The following WDR41 variants were observed in gnomAD, a reference collection of about 807,000 sequenced individuals.
WDR41 encodes WD repeat-containing protein 41.
WDR41 carries 63 observed loss-of-function variants against 69.3 expected under a neutral mutation model. The ratio of observed to expected loss-of-function variants is 0.91; its 90% confidence interval spans 0.74 to 1.12. The LOEUF (loss-of-function observed/expected upper bound fraction) is 1.12, where lower values mean the gene tolerates loss of function less well. Ranked by LOEUF, WDR41 falls within the 50% of genes most tolerant of loss-of-function variation. The pLI is 0.00. For missense variants in WDR41, 543 were observed against 534.5 expected (o/e 1.02, Z -0.16); for synonymous variants, 185 against 192.1 (o/e 0.96, Z 0.31).
chr5:77,582,238 T>A, intron 1 of WDR41: 1 of 755,116 alleles, frequency 1.3e-6, no homozygotes, highest in East Asian at 2.7e-5. Context: ...ATAACTTAGA[T>A]GAAATGGACA....
chr5:77,610,553 C>G (rs368473537), intron 1 of WDR41, among the ~76,000 whole-genome samples: 1 of 151,590 alleles, frequency 6.6e-6, no homozygotes, highest in Non-Finnish European at 1.5e-5. Context: ...TCCAGCCAAA[C>G]TAAGCTTCAT....
chr5:77,443,580 G>A (rs962819178), intron 8 of WDR41, among the ~76,000 whole-genome samples: 1 of 152,052 alleles, frequency 6.6e-6, no homozygotes, highest in Non-Finnish European at 1.5e-5. Context: ...TTTAGTAGTG[G>A]GAAAGTTAAG....
intron 9 of WDR41, 36 bp from the exon 10 acceptor site, chr5:77,438,397 G>A (rs7720548): frequency 0.039 from 63,050 of 1,610,770 alleles, 3,509 homozygotes; most frequent in African/African-American, 0.21. Context: ...CATAAAACTA[G>A]CACTCACCCT....
In WDR41 at chr5:77,435,808, T is replaced by A. The variant is rs117260392; in HGVS notation, c.1227+453A>T. ...TATTTGCACAATGAAAATCAAGGCA[T>A]AGGTTTCATTAAAGCTAACAAACTA... On this transcript the variant is annotated intron_variant, in intron 12 of 12. Transcript: ENST00000296679. 1.5e-4 allele frequency among the ~76,000 whole-genome samples: 23 copies of A among 152,328 alleles called. No individual in the cohort carries two copies. In the East Asian group the frequency reaches 4.4e-3, roughly 29 times the overall value.
intron 1 of WDR41, among the ~76,000 whole-genome samples, chr5:77,509,192 G>A (rs1443525599): frequency 6.6e-6 from 1 of 152,038 alleles, no homozygotes; most frequent in Non-Finnish European, 1.5e-5. Flanking sequence ...TAATTTTATT[G>A]CTGGAGACCT....
At chr5:77,453,414 C>T (rs1463846714) in intron 6 of WDR41, among the ~76,000 whole-genome samples, 2 of 152,074 alleles carry the variant, frequency 1.3e-5, no homozygotes, top group African/African-American at 2.4e-5. Context: ...GAAAATGAAA[C>T]TTTATCAGTA....
chr5:77,497,647 T>C (rs1801953525), intron 1 of WDR41, among the ~76,000 whole-genome samples: 1 of 150,838 alleles, frequency 6.6e-6, no homozygotes, highest in African/African-American at 2.4e-5. Context: ...GCATCGTTAA[T>C]AGAAATGTAA....
At chr5:77,460,158 G>A (rs1231602847) in intron 4 of WDR41, among the ~76,000 whole-genome samples, 1 of 152,180 alleles carries the variant, frequency 6.6e-6, no homozygotes, top group East Asian at 1.9e-4. Flanking sequence ...TCACTAGTGT[G>A]AGAAAATATC....
chr5:77,456,612 T>C (rs891684941), intron 5 of WDR41, among the ~76,000 whole-genome samples: 2 of 152,224 alleles, frequency 1.3e-5, no homozygotes, highest in African/African-American at 2.4e-5. Context: ...TCCAGTACAA[T>C]GTTAAACAGA....
chr5:77,511,649 C>G (rs1302638266), intron 1 of WDR41, among the ~76,000 whole-genome samples: 2 of 152,118 alleles, frequency 1.3e-5, no homozygotes, highest in African/African-American at 4.8e-5. Context: ...GTTCAAACAT[C>G]CATCCACAGT....
chr5:77,489,299 C>T (rs1452883029), intron 2 of WDR41, among the ~76,000 whole-genome samples, 158 bp downstream of exon 2: 6 of 152,088 alleles, frequency 3.9e-5, no homozygotes, highest in African/African-American at 1.4e-4. Flanking sequence ...CATATTTCAT[C>T]GAGATGCAGA....
At chr5:77,462,339 G>A (rs1800105791) in intron 4 of WDR41, among the ~76,000 whole-genome samples, 1 of 145,610 alleles carries the variant, frequency 6.9e-6, no homozygotes. Flanking sequence ...AACCCAGGAG[G>A]CAGAGGTTGC....
At chr5:77,517,657 T>TATATATATACAC (rs1491454629) in intron 1 of WDR41, among the ~76,000 whole-genome samples, 2 of 136,656 alleles carry the variant, frequency 1.5e-5, no homozygotes, top group African/African-American at 5.5e-5. Context: ...TATATATATA[T>TATATATATACAC]ACCAGGCTAA....
At position 77,453,947 on chromosome 5, in the gene WDR41, AT is replaced by A; in HGVS notation, c.412-20del. 6.3e-7 allele frequency: 1 copy of A among 1,579,172 alleles called. No homozygotes were observed. Among genetic ancestry groups the A allele is most frequent in the Non-Finnish European group, 8.7e-7 (1 of 1,148,388 alleles). The stretch of plus-strand genomic sequence containing the variant: ...TTAAACACTGCAAAATTTATTTGAA[AT>A]GTATATCAGGTTAGAAACTTAAGCA... On this transcript the variant is annotated intron_variant, in intron 5 of 12. Coordinates refer to ENST00000296679, the MANE Select transcript of WDR41 (RefSeq NM_018268.4).
At chr5:77,519,556 T>C (rs543582393) in intron 1 of WDR41, among the ~76,000 whole-genome samples, 9 of 152,162 alleles carry the variant, frequency 5.9e-5, no homozygotes, top group Middle Eastern at 3.4e-3. Context: ...GAAGTAATTA[T>C]TTAATATTAG....
chr5:77,588,469 T>C lies in WDR41; in HGVS notation c.42+32010A>G, dbSNP rs115496827. Among the ~76,000 whole-genome samples the C allele has an allele frequency of 5.2e-3, 792 of 152,298 alleles. 4 individuals are homozygous for C. Among genetic ancestry groups the C allele is most frequent in the African/African-American group, 0.018 (731 of 41,590 alleles). On this transcript the variant is annotated intron_variant, in intron 1 of 5. Transcript: ENST00000509971. ...GTGATTTTTTGTGTGTAACATAAGA[T>C]AAAGATAAAGATTCCTTTTTTACTT...
Position 77,467,314 on chromosome 5 carries a change from G to C in WDR41, c.168-2505C>G, listed in dbSNP as rs139895984. On this transcript the variant is annotated intron_variant, in intron 2 of 12. Coordinates refer to ENST00000296679, the MANE Select transcript of WDR41 (RefSeq NM_018268.4). The stretch of plus-strand genomic sequence containing the variant: ...ATTTTGAGAGAAATGTTTCTTTACC[G>C]ATTAGCAAAAAATGTATTCAGTGTG... 2.0e-5 allele frequency among the ~76,000 whole-genome samples: 3 copies of C among 151,938 alleles called. No individual in the cohort carries two copies. The East Asian group carries it at 5.8e-4, about 29-fold the overall frequency.
chr5:77,584,786 C>G (rs2112297233), intron 1 of WDR41, among the ~76,000 whole-genome samples: 1 of 152,270 alleles, frequency 6.6e-6, no homozygotes, highest in South Asian at 2.1e-4. Context: ...GAGAATGAAA[C>G]TGGATCCTCA....
upstream of WDR41, among the ~76,000 whole-genome samples, chr5:77,493,927 C>T (rs1296804557): frequency 2.0e-5 from 3 of 152,112 alleles, no homozygotes; most frequent in African/African-American, 7.2e-5. Context: ...TTGAACACTT[C>T]CTCCCTTGGT....
Sources: allele counts gnomAD v4.1 joint callset (sites outside exome capture counted in the v4.1 genomes callset), GRCh38; gene constraint gnomAD v4.1.1; transcripts MANE v1.5; gene names NCBI Gene and HGNC (gene_info 2026-07-23, HGNC 2026-07-21).